The following PPP1R1C variants were observed in gnomAD, a reference collection of about 807,000 sequenced individuals.
PPP1R1C encodes protein phosphatase 1 regulatory inhibitor subunit 1C.
PPP1R1C carries 15 observed loss-of-function variants against 17.4 expected under a neutral mutation model. The observed-to-expected ratio is 0.86, with a 90% CI of 0.58 to 1.33. The LOEUF (loss-of-function observed/expected upper bound fraction) is 1.33. PPP1R1C is among the 40% of genes most tolerant of loss of function. The pLI, the probability that PPP1R1C is intolerant of heterozygous loss-of-function variation, is 0.00. For synonymous variants in PPP1R1C, 35 were observed against 43.1 expected (o/e 0.81, Z 0.73); for missense variants, 143 against 130.0 (o/e 1.10, Z -0.48).
intron 2 of PPP1R1C, among the ~76,000 whole-genome samples, chr2:182,021,936 G>C (rs920067935): frequency 6.6e-6 from 1 of 152,180 alleles, no homozygotes; most frequent in Non-Finnish European, 1.5e-5. Context: ...GAAATAGCAG[G>C]GGGAGGAGAG....
At chr2:181,956,323 A>G (rs1189125242) in intron 1 of PPP1R1C, among the ~76,000 whole-genome samples, 1 of 152,174 alleles carries the variant, frequency 6.6e-6, no homozygotes, top group African/African-American at 2.4e-5. Context: ...GTTGGTTCCA[A>G]GTCTTTGCTA....
chr2:182,008,764 T>C (rs1211305934), intron 2 of PPP1R1C, among the ~76,000 whole-genome samples: 1 of 152,176 alleles, frequency 6.6e-6, no homozygotes, highest in Non-Finnish European at 1.5e-5. Context: ...AAATACTAGC[T>C]CTTATTCATT....
chr2:181,985,182 TC>T (rs2125138414), upstream of PPP1R1C, among the ~76,000 whole-genome samples: 1 of 152,340 alleles, frequency 6.6e-6, no homozygotes, highest in East Asian at 1.9e-4. This position sits in a 1 kb window ranked among gnomAD's most constrained non-coding sequence, Gnocchi z 4.1. Flanking sequence ...AGCAGTGACT[TC>T]CAAGCTGTTT....
intron 2 of PPP1R1C, among the ~76,000 whole-genome samples, chr2:182,053,972 T>C (rs1687606331): frequency 6.6e-6 from 1 of 152,050 alleles, no homozygotes; most frequent in African/African-American, 2.4e-5. Context: ...CTGGGATTAG[T>C]GCTGGGATTA....
chr2:182,119,850 G>T (rs1396201407), downstream of PPP1R1C, among the ~76,000 whole-genome samples: 1 of 152,114 alleles, frequency 6.6e-6, no homozygotes, highest in Non-Finnish European at 1.5e-5. Context: ...CTCCCATTTT[G>T]TAGGTTGCCT....
chr2:182,081,270 G>A (rs1479258693), intron 4 of PPP1R1C, among the ~76,000 whole-genome samples: 1 of 152,118 alleles, frequency 6.6e-6, no homozygotes, highest in Admixed American at 6.5e-5. Flanking sequence ...GGGTTAAAGG[G>A]AACGAGAAAA....
At chr2:181,997,015 G>T (rs1366038673) in intron 2 of PPP1R1C, among the ~76,000 whole-genome samples, 1 of 151,966 alleles carries the variant, frequency 6.6e-6, no homozygotes, top group Non-Finnish European at 1.5e-5. Context: ...GGATCACGAG[G>T]TCAGGAGATC....
At chr2:181,988,205 G>A (rs1685358765) in intron 2 of PPP1R1C, among the ~76,000 whole-genome samples, 1 of 152,212 alleles carries the variant, frequency 6.6e-6, no homozygotes, top group Non-Finnish European at 1.5e-5. Flanking sequence ...TATTAATGAG[G>A]CTGGTGGAAA....
chr2:182,004,134 G>GA (rs1334913445), intron 2 of PPP1R1C, among the ~76,000 whole-genome samples: 8 of 152,152 alleles, frequency 5.3e-5, no homozygotes, highest in Non-Finnish European at 1.0e-4. Flanking sequence ...AAAGATCTCA[G>GA]AAAAAGTGTA....
chr2:182,041,540 C>T (rs959081364), intron 2 of PPP1R1C, among the ~76,000 whole-genome samples: 82 of 140,604 alleles, frequency 5.8e-4, no homozygotes, highest in African/African-American at 2.2e-3. Context: ...ACCCGGGAGG[C>T]GGAGGTTGCA....
intron 2 of PPP1R1C, 47 bp from the exon 3 acceptor site, chr2:182,061,395 A>G: frequency 8.1e-7 from 1 of 1,231,206 alleles, no homozygotes; most frequent in Non-Finnish European, 1.1e-6. Flanking sequence ...ATATATTACA[A>G]GAAAGAATAT....
At chr2:182,027,287 C>T (rs924995504) in intron 2 of PPP1R1C, among the ~76,000 whole-genome samples, 1 of 133,938 alleles carries the variant, frequency 7.5e-6, no homozygotes, top group Non-Finnish European at 1.6e-5. Flanking sequence ...CTGTCTTGTG[C>T]CAGTTTTCAA....
chr2:181,973,825 A>G lies in PPP1R1C; in HGVS notation n.112-1394A>G, dbSNP rs949937741. Among the ~76,000 whole-genome samples, 4 of 152,354 alleles carry G rather than the reference A, an allele frequency of 2.6e-5. No individual in the cohort carries two copies. The East Asian group carries it at 7.7e-4, about 29-fold the overall frequency. On this transcript the variant is annotated intron_variant and non_coding_transcript_variant, in intron 1 of 5. Transcript: ENST00000464264. ...ATGGCCCCACTGACATCTACATTCT[A>G]TGAAACTTTCAAATTATATTTATAT... is the stretch of plus-strand genomic sequence containing the variant.
chr2:182,092,877 C>T (rs1413110585), intron 4 of PPP1R1C, among the ~76,000 whole-genome samples: 3 of 152,206 alleles, frequency 2.0e-5, no homozygotes, highest in Non-Finnish European at 4.4e-5. Flanking sequence ...CTTTCACAGG[C>T]TGGCATTGAG....
At chr2:182,094,645 T>C (rs1158049169) in intron 4 of PPP1R1C, among the ~76,000 whole-genome samples, 6 of 152,180 alleles carry the variant, frequency 3.9e-5, no homozygotes, top group African/African-American at 1.4e-4. Flanking sequence ...GAGTGAACTG[T>C]GTTGTGATAC....
chr2:182,100,610 G>T (rs1689072624), intron 4 of PPP1R1C, among the ~76,000 whole-genome samples: 1 of 151,920 alleles, frequency 6.6e-6, no homozygotes, highest in African/African-American at 2.4e-5. Context: ...TTTATTGAAA[G>T]ATTACTTGGT....
intron 4 of PPP1R1C, among the ~76,000 whole-genome samples, chr2:182,068,424 G>A (rs992841537): frequency 1.3e-5 from 2 of 152,160 alleles, no homozygotes; most frequent in Non-Finnish European, 2.9e-5. Flanking sequence ...AGGACTTCCA[G>A]GAGAATAAAA....
Position 181,980,143 on chromosome 2 carries a change from G to A in PPP1R1C, n.157+4879G>A, listed in dbSNP as rs1328495310. Among the ~76,000 whole-genome samples the A allele has an allele frequency of 2.6e-5, 4 of 152,156 alleles. No individual in the cohort carries two copies. In the East Asian group the frequency reaches 7.7e-4, roughly 29 times the overall value. ...TGTATCACTGTGTCTGTCATAGAAT[G>A]AGATACTCAATAAATATTTGTTGGA... On this transcript the variant is annotated intron_variant and non_coding_transcript_variant, in intron 2 of 5. Coordinates refer to the PPP1R1C transcript ENST00000464264.
downstream of PPP1R1C, among the ~76,000 whole-genome samples, chr2:182,119,802 A>G (rs1689686992): frequency 1.3e-5 from 2 of 152,156 alleles, no homozygotes; most frequent in South Asian, 2.1e-4. Context: ...GATTCTGGAT[A>G]TTAGCCCTTT....
Sources: gnomAD v4.1 joint callset for allele counts (sites outside exome capture counted in the v4.1 genomes callset) on GRCh38, gnomAD v4.1.1 for gene constraint, Gnocchi (gnomAD v3.1) non-coding constraint, MANE v1.5 for transcripts, NCBI Gene and HGNC (gene_info 2026-07-23, HGNC 2026-07-21) for gene names.